The following ST6GALNAC3 variants were observed in gnomAD, a reference collection of about 807,000 sequenced individuals.
ST6GALNAC3 encodes ST6 N-acetylgalactosaminide alpha-2,6-sialyltransferase 3, also known as alpha-N-acetylgalactosaminide alpha-2,6-sialyltransferase 3.
ST6GALNAC3 carries 25 observed loss-of-function variants against 32.7 expected under a neutral mutation model. The ratio of observed to expected loss-of-function variants is 0.76; its 90% CI spans 0.56 to 1.07. The LOEUF is 1.07. Among genes scored for constraint, ST6GALNAC3 ranks in the 50% least tolerant of loss-of-function variants. The pLI, the probability that ST6GALNAC3 is intolerant of heterozygous loss-of-function variation, is 0.00. For synonymous variants in ST6GALNAC3, 129 were observed against 133.1 expected, an observed-to-expected ratio of 0.97 and a Z score of 0.21; for missense variants, 355 against 382.4, an observed-to-expected ratio of 0.93 and a Z score of 0.60.
intron 3 of ST6GALNAC3, among the ~76,000 whole-genome samples, chr1:76,508,715 A>G (rs1240480691): frequency 6.6e-6 from 1 of 152,174 alleles, no homozygotes; most frequent in African/African-American, 2.4e-5. Flanking sequence ...CTAGGTGATC[A>G]TCAGGTAGCA....
At chr1:76,304,326 C>G (rs1384380266) in intron 1 of ST6GALNAC3, among the ~76,000 whole-genome samples, 2 of 152,040 alleles carry the variant, frequency 1.3e-5, no homozygotes, top group African/African-American at 4.8e-5. Flanking sequence ...CTCCTTCCCT[C>G]CCTTCCTTTC....
chr1:76,440,065 A>T lies in ST6GALNAC3; in HGVS notation c.623+27648A>T, dbSNP rs548069677. Among the ~76,000 whole-genome samples the T allele has an allele frequency of 5.3e-5, 8 of 152,364 alleles. No homozygotes were observed. In the East Asian group the frequency reaches 1.5e-3, roughly 29 times the overall value. ...AGACCCTGACATCTAGCATGTGCAC[A>T]AGAGAATATAATTATATTTCGTTTT... On this transcript the variant is annotated intron_variant, in intron 3 of 4. Coordinates refer to ENST00000328299, the MANE Select transcript of ST6GALNAC3 (RefSeq NM_152996.4).
At chr1:76,572,248 C>T (rs1207046759) in intron 3 of ST6GALNAC3, among the ~76,000 whole-genome samples, 4 of 151,946 alleles carry the variant, frequency 2.6e-5, no homozygotes, top group Non-Finnish European at 4.4e-5. Flanking sequence ...TTTTCTTAAC[C>T]ACATAACATA....
intron 1 of ST6GALNAC3, among the ~76,000 whole-genome samples, chr1:76,173,255 A>T (rs908699920): frequency 6.6e-6 from 1 of 152,220 alleles, no homozygotes; most frequent in Non-Finnish European, 1.5e-5. Flanking sequence ...TATTCAGTAA[A>T]TGGTGCTGGG....
intron 3 of ST6GALNAC3, among the ~76,000 whole-genome samples, chr1:76,550,047 A>G (rs1315615917): frequency 6.6e-6 from 1 of 152,174 alleles, no homozygotes; most frequent in African/African-American, 2.4e-5. Context: ...TTTATACAGT[A>G]CTTTATATAT....
At chr1:76,469,652 C>A (rs1658888135) in intron 3 of ST6GALNAC3, among the ~76,000 whole-genome samples, 1 of 152,070 alleles carries the variant, frequency 6.6e-6, no homozygotes, top group Admixed American at 6.6e-5. Flanking sequence ...TGTATAAAGC[C>A]AACCAGTCTA....
At chr1:76,611,305 T>C (rs1371790225) in intron 3 of ST6GALNAC3, among the ~76,000 whole-genome samples, 1 of 152,122 alleles carries the variant, frequency 6.6e-6, no homozygotes, top group Non-Finnish European at 1.5e-5. Flanking sequence ...GTGTTCTCTA[T>C]TTGTTTCTTC....
intron 3 of ST6GALNAC3, among the ~76,000 whole-genome samples, chr1:76,534,921 T>A (rs1322591830): frequency 6.6e-6 from 1 of 152,218 alleles, no homozygotes; most frequent in Non-Finnish European, 1.5e-5. Flanking sequence ...CTAGATTGTG[T>A]GACACTGAGC....
Position 76,609,918 on chromosome 1 carries a change from A to G in ST6GALNAC3, c.624-17534A>G, listed in dbSNP as rs1418468135. ...CCTGGAATAGAAACGCCTTGGCCAT[A>G]GAGTGTGGCTTTTTAATCTAGTGCT... is the stretch of plus-strand genomic sequence containing the variant. On this transcript the variant is annotated intron_variant, in intron 3 of 4. Coordinates refer to ENST00000328299, the MANE Select transcript of ST6GALNAC3 (RefSeq NM_152996.4). Among the ~76,000 whole-genome samples the G allele has an allele frequency of 1.3e-5, 2 of 152,294 alleles. 1 individual carries two copies. Among genetic ancestry groups the G allele is most frequent in the East Asian group, 3.9e-4 (2 of 5,172 alleles).
chr1:76,331,696 T>C (rs752168403), intron 2 of ST6GALNAC3, among the ~76,000 whole-genome samples: 6 of 152,188 alleles, frequency 3.9e-5, no homozygotes, highest in Non-Finnish European at 7.3e-5. Flanking sequence ...CTAATCAGGG[T>C]AGAGTTTGCT....
chr1:76,454,185 G>C (rs549015863), intron 3 of ST6GALNAC3, among the ~76,000 whole-genome samples: 14 of 152,210 alleles, frequency 9.2e-5, no homozygotes, highest in African/African-American at 3.1e-4. Context: ...TGTGTCAGGT[G>C]AGTCTCTTGA....
At chr1:76,105,834 AT>A (rs770688235) in intron 1 of ST6GALNAC3, among the ~76,000 whole-genome samples, 1 of 152,238 alleles carries the variant, frequency 6.6e-6, no homozygotes, top group East Asian at 1.9e-4. Flanking sequence ...ATTTAAAAAA[AT>A]ATTGTACAAA....
At chr1:76,218,010 C>A (rs969372204) in intron 1 of ST6GALNAC3, among the ~76,000 whole-genome samples, 1 of 151,632 alleles carries the variant, frequency 6.6e-6, no homozygotes, top group African/African-American at 2.4e-5. Context: ...ATAATAACTT[C>A]TTTTCCTCTA....
intron 2 of ST6GALNAC3, among the ~76,000 whole-genome samples, chr1:76,368,880 T>C (rs1328321424): frequency 6.6e-6 from 1 of 152,182 alleles, no homozygotes; most frequent in East Asian, 1.9e-4. Flanking sequence ...GAATGCCATT[T>C]GGGCAGTCTG....
At chr1:76,228,229 AT>A (rs1354175289) in intron 1 of ST6GALNAC3, among the ~76,000 whole-genome samples, 1 of 152,190 alleles carries the variant, frequency 6.6e-6, no homozygotes, top group African/African-American at 2.4e-5. Context: ...AGGGTGCCAA[AT>A]TTTAAGCAAA....
Position 76,409,269 on chromosome 1 carries a change from T to C in ST6GALNAC3, c.214-2739T>C, listed in dbSNP as rs149563334. Among the ~76,000 whole-genome samples, 316 of 152,190 alleles carry C rather than the reference T, an allele frequency of 2.1e-3. 2 individuals are homozygous for C. The highest frequency in any genetic ancestry group is 7.2e-3 in the African/African-American group (301 of 41,544). ...ACTCACATTAGTTGAGAAACCTTAC[T>C]GTGTTAGGGGTGATGAACAGTCCCT... is the stretch of plus-strand genomic sequence containing the variant. On this transcript the variant is annotated intron_variant, in intron 2 of 4. Coordinates refer to ENST00000328299, the MANE Select transcript of ST6GALNAC3 (RefSeq NM_152996.4).
intron 2 of ST6GALNAC3, among the ~76,000 whole-genome samples, chr1:76,364,059 T>C (rs1570972655): frequency 6.6e-6 from 1 of 152,184 alleles, no homozygotes; most frequent in Non-Finnish European, 1.5e-5. Context: ...TATTCTCTGA[T>C]AAAAACTGGT....
At chr1:76,372,035 T>C (rs1322950570) in intron 2 of ST6GALNAC3, among the ~76,000 whole-genome samples, 1 of 152,176 alleles carries the variant, frequency 6.6e-6, no homozygotes. Flanking sequence ...CCTAGAGCTG[T>C]GTAATAACAG....
At chr1:76,217,718 C>G (rs1655546624) in intron 1 of ST6GALNAC3, among the ~76,000 whole-genome samples, 1 of 152,178 alleles carries the variant, frequency 6.6e-6, no homozygotes, top group Non-Finnish European at 1.5e-5. Context: ...ATTCTTACGC[C>G]TTTGCGTCCT....
Sources: gnomAD v4.1 joint callset for allele counts (sites outside exome capture counted in the v4.1 genomes callset) on GRCh38, gnomAD v4.1.1 for gene constraint, MANE v1.5 for transcripts, NCBI Gene and HGNC (gene_info 2026-07-23, HGNC 2026-07-21) for gene names.